SCAPER: variants seen among roughly 807,000 people sequenced by gnomAD.
SCAPER encodes the protein S phase cyclin A-associated protein in the endoplasmic reticulum.
SCAPER carries 98 observed loss-of-function variants against 182.2 expected under a neutral mutation model. That is an observed-to-expected ratio of 0.54 (90% confidence interval 0.46 to 0.64). SCAPER has a LOEUF of 0.64. SCAPER is among the 30% of genes least tolerant of loss of function. The pLI is 0.00. For synonymous variants in SCAPER, 605 were observed against 564.6 expected, an observed-to-expected ratio of 1.07 and a Z score of -1.01; for missense variants, 1,432 against 1,690.0, an observed-to-expected ratio of 0.85 and a Z score of 2.68.
At chr15:76,569,550 C>T (rs906593948) in intron 23 of SCAPER, among the ~76,000 whole-genome samples, 2 of 152,008 alleles carry the variant, frequency 1.3e-5, no homozygotes, top group African/African-American at 4.8e-5. Context: ...TTTATTTACC[C>T]TGCTTGGGCA....
At chr15:76,558,664 T>C (rs2046367977) in intron 23 of SCAPER, among the ~76,000 whole-genome samples, 1 of 152,172 alleles carries the variant, frequency 6.6e-6, no homozygotes, top group South Asian at 2.1e-4. Flanking sequence ...GAAATCCCAT[T>C]ATTGGGTGTA....
In SCAPER at chr15:76,438,279, CAA is replaced by C. The variant is rs372587932; in HGVS notation, c.3079-3971_3079-3970del. 8.3e-3 allele frequency among the ~76,000 whole-genome samples: 917 copies of C among 110,982 alleles called. 8 individuals carry two copies. Among genetic ancestry groups the C allele is most frequent in the African/African-American group, 0.03 (856 of 28,862 alleles). 72.8% of individuals were successfully genotyped at this position (110,982 alleles called of 152,430 possible). ...TCTGGGCGACTGTGTGAGACTGTCT[CAA>C]AAAAAAAAAAAAAAAAAATTTAAGA... is the stretch of plus-strand genomic sequence containing the variant. On this transcript the variant is annotated intron_variant, in intron 25 of 31. Coordinates refer to ENST00000563290, the MANE Select transcript of SCAPER (RefSeq NM_020843.4).
At chr15:76,489,509 T>C (rs565281895) in intron 24 of SCAPER, among the ~76,000 whole-genome samples, 2 of 151,968 alleles carry the variant, frequency 1.3e-5, no homozygotes, top group Non-Finnish European at 2.9e-5. Flanking sequence ...GAATGTCATA[T>C]ACATGGAATT....
At chr15:76,464,401 G>A (rs1172760503) in intron 25 of SCAPER, among the ~76,000 whole-genome samples, 1 of 151,874 alleles carries the variant, frequency 6.6e-6, no homozygotes, top group Non-Finnish European at 1.5e-5. Flanking sequence ...GTATACACAG[G>A]CGATTGGTTC....
intron 20 of SCAPER, among the ~76,000 whole-genome samples, chr15:76,666,250 G>A (rs12440965): frequency 0.27 from 41,392 of 151,952 alleles, 6,416 homozygotes; most frequent in East Asian, 0.55. Flanking sequence ...GTGAACATAC[G>A]GATATTAGGT....
At chr15:76,404,189 G>C (rs1489555768) in intron 27 of SCAPER, among the ~76,000 whole-genome samples, 1 of 152,002 alleles carries the variant, frequency 6.6e-6, no homozygotes, top group Non-Finnish European at 1.5e-5. Context: ...GGCTTGGTCT[G>C]GTCTAGGCTT....
chr15:76,425,701 A>G (rs2046376562), intron 26 of SCAPER, among the ~76,000 whole-genome samples: 1 of 152,168 alleles, frequency 6.6e-6, no homozygotes, highest in East Asian at 1.9e-4. Flanking sequence ...TCTGATTTTT[A>G]GAATTTTCAG....
chr15:76,873,222 G>A (rs1206242943), intron 2 of SCAPER, among the ~76,000 whole-genome samples: 2 of 150,606 alleles, frequency 1.3e-5, no homozygotes, highest in Non-Finnish European at 2.9e-5. Flanking sequence ...CTACACTCCA[G>A]CCTGGCCAAC....
chr15:76,559,561 T>A (rs954377370), intron 23 of SCAPER, among the ~76,000 whole-genome samples: 1 of 152,158 alleles, frequency 6.6e-6, no homozygotes, highest in Non-Finnish European at 1.5e-5. Flanking sequence ...TTTATAGCAG[T>A]ATGAAACAGA....
At chr15:76,456,636 T>C (rs2048757803) in intron 25 of SCAPER, among the ~76,000 whole-genome samples, 1 of 152,238 alleles carries the variant, frequency 6.6e-6, no homozygotes, top group Non-Finnish European at 1.5e-5. Context: ...GTTCATATCA[T>C]GTATATTTTT....
chr15:76,602,064 C>T (rs2049969491), intron 22 of SCAPER, among the ~76,000 whole-genome samples: 1 of 121,584 alleles, frequency 8.2e-6, no homozygotes, highest in African/African-American at 2.5e-5. Context: ...GTAGTTCAAA[C>T]CCATGCTGTC....
At chr15:76,878,071 G>A (rs2073292977) in intron 2 of SCAPER, among the ~76,000 whole-genome samples, 1 of 152,182 alleles carries the variant, frequency 6.6e-6, no homozygotes, top group Non-Finnish European at 1.5e-5. Context: ...AGGTAGATAT[G>A]TGTATATGGA....
chr15:76,556,229 A>G (rs2046185431), intron 23 of SCAPER, among the ~76,000 whole-genome samples: 1 of 152,228 alleles, frequency 6.6e-6, no homozygotes, highest in Non-Finnish European at 1.5e-5. Context: ...TAATGAGAAC[A>G]AAGATACAAC....
intron 25 of SCAPER, among the ~76,000 whole-genome samples, chr15:76,450,094 T>C (rs539780678): frequency 6.6e-6 from 1 of 152,358 alleles, no homozygotes; most frequent in Admixed American, 6.5e-5. Context: ...ATTTGGCCTG[T>C]GGATCTGAAT....
intron 23 of SCAPER, among the ~76,000 whole-genome samples, chr15:76,551,831 A>G (rs1362680133): frequency 6.6e-6 from 1 of 152,130 alleles, no homozygotes; most frequent in Non-Finnish European, 1.5e-5. Context: ...TGCAATTATT[A>G]TGAGTCAATT....
At chr15:76,404,236 C>T (rs539344044) in intron 27 of SCAPER, among the ~76,000 whole-genome samples, 1 of 152,166 alleles carries the variant, frequency 6.6e-6, no homozygotes, top group East Asian at 1.9e-4. Flanking sequence ...TCACTGGACT[C>T]CTCTGGATCT....
chr15:76,583,440 A>G (rs1567523421), intron 22 of SCAPER, among the ~76,000 whole-genome samples: 1 of 152,204 alleles, frequency 6.6e-6, no homozygotes, highest in East Asian at 1.9e-4. Flanking sequence ...CAAGTTAAAA[A>G]TCTTCTGCAT....
rs557941232 is a variant in SCAPER at position 76,644,084 on chromosome 15, C to T, written c.2645+21569G>A. Among the ~76,000 whole-genome samples the T allele has an allele frequency of 3.3e-5, 5 of 152,112 alleles. 1 individual carries two copies. The highest frequency in any genetic ancestry group is 1.9e-4 in the East Asian group (1 of 5,170). On this transcript the variant is annotated intron_variant, in intron 21 of 31. Coordinates refer to ENST00000563290, the MANE Select transcript of SCAPER (RefSeq NM_020843.4). Reference sequence around the variant, plus strand: ...TTGAGTTCTTTCTCATGGACTAGGCCGGCAGTTTTTAAGAGTATGATCTGG... The same window carrying T: ...TTGAGTTCTTTCTCATGGACTAGGCTGGCAGTTTTTAAGAGTATGATCTGG...
intron 25 of SCAPER, among the ~76,000 whole-genome samples, chr15:76,439,456 G>A (rs2047413686): frequency 6.6e-6 from 1 of 152,242 alleles, no homozygotes; most frequent in East Asian, 1.9e-4. Flanking sequence ...CTTATGTCTA[G>A]TTAGGTATCA....
Sources: allele counts gnomAD v4.1 joint callset (sites outside exome capture counted in the v4.1 genomes callset), GRCh38; gene constraint gnomAD v4.1.1; transcripts MANE v1.5; gene names NCBI Gene and HGNC (gene_info 2026-07-23, HGNC 2026-07-21).